TMEM80: variants seen among roughly 807,000 people sequenced by gnomAD.
TMEM80 encodes the protein transmembrane protein 80.
In TMEM80, 16 loss-of-function variants were observed where a neutral mutation model predicts 13.6. The ratio of observed to expected loss-of-function variants is 1.17; its 90% CI spans 0.79 to 1.78. TMEM80 has a LOEUF of 1.78. Among genes scored for constraint, TMEM80 ranks in the 40% most tolerant of loss-of-function variants. The pLI, the probability that TMEM80 is intolerant of heterozygous loss-of-function variation, is 0.00. For missense variants in TMEM80, 167 were observed against 184.6 expected (o/e 0.90, Z 0.55); for synonymous variants, 92 against 89.5 (o/e 1.03, Z -0.16).
intron 1 of TMEM80, among the ~76,000 whole-genome samples, chr11:696,951 T>C (rs1350376912): frequency 7.0e-6 from 1 of 141,908 alleles, no homozygotes; most frequent in South Asian, 2.5e-4. Context: ...TGATGGTGCA[T>C]GCCTGTAATC....
chr11:704,377 G>T, downstream of TMEM80: 1 of 1,116,270 alleles, frequency 9.0e-7, no homozygotes. Flanking sequence ...GCCTGTCTTC[G>T]TGGAAGCGGT....
At chr11:699,918 G>A (rs74464179) in intron 2 of TMEM80, 31,512 of 548,168 alleles carry the variant, frequency 0.057, 1,401 homozygotes, top group Admixed American at 0.16. Flanking sequence ...GCATTGTTGT[G>A]GCATGGAGGG....
At chr11:699,735 G>C (rs1008879057) in intron 2 of TMEM80, 9 of 177,476 alleles carry the variant, frequency 5.1e-5, no homozygotes, top group Non-Finnish European at 7.2e-5. Flanking sequence ...CTGGGCAACA[G>C]AGCAAGACTC....
At chr11:702,858 GT>G in intron 4 of TMEM80, 86 bp from the exon 5 acceptor site, 1 of 1,333,676 alleles carries the variant, frequency 7.5e-7, no homozygotes, top group South Asian at 1.4e-5. Context: ...AGCTGCTCTG[GT>G]CCCAGCAGCC....
rs117149970 is a variant in TMEM80, at chr11:700,227, C to A, written c.125C>A (p.Thr42Lys). The change falls in exon 3 of 5, where the codon ACG (threonine) becomes AAG (lysine). Residue 42 changes from threonine to lysine, a missense_variant. By Grantham distance (78) the Thr-to-Lys change is moderately conservative (BLOSUM62 -1). Coordinates refer to ENST00000397510, the MANE Select transcript of TMEM80 (RefSeq NM_001042463.3). The stretch of plus-strand genomic sequence containing the variant: ...TTCCTCGCCACGCTCCTGATGATCA[C>A]GTATAAAAGTAAGTCAGGGACGGGC... ...LYFLATLLMITYKSQVFSYPH... is the reference protein window; with the variant it reads ...LYFLATLLMIKYKSQVFSYPH... 3.7e-6 allele frequency: 6 copies of A among 1,613,340 alleles called. No homozygotes were observed. The highest frequency in any genetic ancestry group is 5.1e-6 in the Non-Finnish European group (6 of 1,179,758).
intron 3 of TMEM80, 112 bp downstream of exon 3, chr11:700,347 G>A (rs1861389932): frequency 2.0e-6 from 2 of 999,144 alleles, no homozygotes; most frequent in Middle Eastern, 4.9e-4. Context: ...GCCAACATGG[G>A]GAAACCCCAT....
chr11:700,175 C>T lies in TMEM80; in HGVS notation c.73C>T (p.Leu25Phe). The T allele has an allele frequency of 6.2e-7, 1 of 1,614,194 alleles. No homozygotes were observed. Among genetic ancestry groups the T allele is most frequent in the South Asian group, 1.1e-5 (1 of 91,080 alleles). Reference sequence around the variant, plus strand: ...AGTTCCCCTTCAAATGCTGTTTTATCTCAGCGGAACGTACTACGCCCTGTA... The same window carrying T: ...AGTTCCCCTTCAAATGCTGTTTTATTTCAGCGGAACGTACTACGCCCTGTA... ...SSVPLQMLFY[L>F]SGTYYALYFL... The change falls in exon 3 of 5, where the codon CTC (leucine) becomes TTC (phenylalanine). Residue 25 changes from leucine (L) to phenylalanine (F), a missense_variant. Physicochemically the swap from Leu to Phe is conservative, Grantham distance 22. Coordinates refer to ENST00000397510, the MANE Select transcript of TMEM80 (RefSeq NM_001042463.3).
At chr11:698,219 CAG>C (rs1169662445) in intron 1 of TMEM80, among the ~76,000 whole-genome samples, 1 of 151,810 alleles carries the variant, frequency 6.6e-6, no homozygotes, top group Non-Finnish European at 1.5e-5. Flanking sequence ...CAGGGTGAGT[CAG>C]AGGCGTCTTC....
chr11:703,162 C>G lies in TMEM80; in HGVS notation c.*12C>G, dbSNP rs188099718. The G allele has an allele frequency of 1.9e-6, 3 of 1,594,276 alleles. No homozygotes were observed. The highest frequency in any genetic ancestry group is 1.3e-5 in the African/African-American group (1 of 74,738). On this transcript the variant is annotated 3_prime_UTR_variant, in exon 5 of 5. Coordinates refer to ENST00000397510, the MANE Select transcript of TMEM80 (RefSeq NM_001042463.3). ...CCTTCACCAGGTAGCTACGGACACC[C>G]GGGATACCCCACACTGGGGCCCTCC...
rs977977311 is a variant in TMEM80 at position 701,625 on chromosome 11, G to A, written c.226+918G>A. On this transcript the variant is annotated intron_variant, in intron 4 of 4. Coordinates refer to ENST00000397510, the MANE Select transcript of TMEM80 (RefSeq NM_001042463.3). ...GGGGTTTCACCATGTTAGCCAGGATGGTTTCCATCTCCTGACCTCCTGATC... is the reference window on the plus strand; with the variant it reads ...GGGGTTTCACCATGTTAGCCAGGATAGTTTCCATCTCCTGACCTCCTGATC... Among the ~76,000 whole-genome samples, 4 of 151,830 alleles carry A rather than the reference G, an allele frequency of 2.6e-5. 1 individual carries two copies. Among genetic ancestry groups the A allele is most frequent in the African/African-American group, 4.8e-5 (2 of 41,328 alleles).
chr11:700,879 G>A, intron 4 of TMEM80, 172 bp downstream of exon 4: 1 of 665,606 alleles, frequency 1.5e-6, no homozygotes, highest in Non-Finnish European at 2.7e-6. Flanking sequence ...TATTAATCAA[G>A]AAGTTTTGTC....
Position 702,731 on chromosome 11 carries a change from C to T in TMEM80, c.227-214C>T, listed in dbSNP as rs538255560. Among the ~76,000 whole-genome samples, 52 of 152,368 alleles carry T rather than the reference C, an allele frequency of 3.4e-4. 1 individual carries two copies. Among genetic ancestry groups the T allele is most frequent in the African/African-American group, 1.3e-3 (52 of 41,596 alleles). On this transcript the variant is annotated intron_variant, in intron 4 of 4. Coordinates refer to ENST00000397510, the MANE Select transcript of TMEM80 (RefSeq NM_001042463.3). Reference sequence around the variant, plus strand: ...AAACCATGCTGTTGCAGGGGCACCTCCCCCAGGAGGGGCTCACGCCTGTGT... The same window carrying T: ...AAACCATGCTGTTGCAGGGGCACCTTCCCCAGGAGGGGCTCACGCCTGTGT...
Position 703,594 on chromosome 11 carries a change from C to T in TMEM80, c.*444C>T. The stretch of plus-strand genomic sequence containing the variant: ...TTGTGTTCTGAGATCCCAGTTTACT[C>T]CGTGGCCAGGCCCCACCTGTGTTTC... On this transcript the variant is annotated 3_prime_UTR_variant, in exon 5 of 5. Coordinates refer to ENST00000397510, the MANE Select transcript of TMEM80 (RefSeq NM_001042463.3). The T allele has an allele frequency of 1.6e-6, 2 of 1,233,264 alleles. No individual in the cohort carries two copies. Among genetic ancestry groups the T allele is most frequent in the East Asian group, 3.2e-5 (1 of 31,724 alleles). 76.4% of individuals were successfully genotyped at this position (1,233,264 alleles called of 1,614,324 possible). A position where few individuals can be genotyped will look rare whatever the true frequency, so the allele number is the denominator to read the frequency against.
upstream of TMEM80, chr11:695,674 T>A (rs1861098237): frequency 2.4e-6 from 3 of 1,243,708 alleles, no homozygotes; most frequent in South Asian, 7.9e-5. Flanking sequence ...CCGGACGGAC[T>A]AATCGGGCCT....
Position 703,401 on chromosome 11 carries a change from G to A in TMEM80, c.*251G>A. The A allele has an allele frequency of 7.4e-7, 1 of 1,347,490 alleles. No homozygotes were observed. The allele number at this position is 1,347,490 out of a possible 1,614,324, so 83.5% of individuals were successfully genotyped here. ...CCAGACAGAACTGCCTTCAAGATGAGTCCCAGGAGCGCACACTCAGCCCTG... is the reference window on the plus strand; with the variant it reads ...CCAGACAGAACTGCCTTCAAGATGAATCCCAGGAGCGCACACTCAGCCCTG... On this transcript the variant is annotated 3_prime_UTR_variant, in exon 5 of 5. Coordinates refer to ENST00000397510, the MANE Select transcript of TMEM80 (RefSeq NM_001042463.3).
In TMEM80 at chr11:700,214, C is replaced by A. The variant is rs944374616; in HGVS notation, c.112C>A (p.Leu38Ile). 1.2e-6 allele frequency: 2 copies of A among 1,613,812 alleles called. No individual in the cohort carries two copies. Among genetic ancestry groups the A allele is most frequent in the African/African-American group, 2.7e-5 (2 of 74,898 alleles). Reference sequence around the variant, plus strand: ...CTACGCCCTGTATTTCCTCGCCACGCTCCTGATGATCACGTATAAAAGTAA... The same window carrying A: ...CTACGCCCTGTATTTCCTCGCCACGATCCTGATGATCACGTATAAAAGTAA... Reference protein sequence around the residue: ...TYYALYFLATLLMITYKSQVF... With the variant: ...TYYALYFLATILMITYKSQVF... Residue 38 changes from leucine (L) to isoleucine (I), a missense_variant, in exon 3 of 5, where the codon CTC becomes ATC. Transcript: ENST00000397510.
At chr11:700,393 G>C (rs1201868901) in intron 3 of TMEM80, among the ~76,000 whole-genome samples, 158 bp downstream of exon 3, 1 of 152,072 alleles carries the variant, frequency 6.6e-6, no homozygotes, top group African/African-American at 2.4e-5. Flanking sequence ...CGGGCGTGGT[G>C]GTGGGCGCCT....
rs765869216 is a variant in TMEM80, at chr11:698,849, A to G, written c.20-20A>G. The G allele has an allele frequency of 5.0e-6, 8 of 1,614,068 alleles. No individual in the cohort carries two copies. Among genetic ancestry groups the G allele is most frequent in the Non-Finnish European group, 6.8e-6 (8 of 1,179,994 alleles). On this transcript the variant is annotated intron_variant, in intron 1 of 4. Transcript: ENST00000397510. ...TCCTGGTGGCTGTCAGGCCTTGCTC[A>G]CGGCCCCTTTCTCTTTCAGGGAGAG...
intron 1 of TMEM80, among the ~76,000 whole-genome samples, chr11:696,698 CGAGGT>C (rs60498675): frequency 4.3e-4 from 1 of 2,316 alleles, no homozygotes; most frequent in African/African-American, 9.4e-4. Flanking sequence ...CCCAGGAGGT[CGAGGT>C]TGCAGTGAGC....
Sources: allele counts gnomAD v4.1 joint callset (sites outside exome capture counted in the v4.1 genomes callset), GRCh38; gene constraint gnomAD v4.1.1; transcripts MANE v1.5; gene names NCBI Gene and HGNC (gene_info 2026-07-23, HGNC 2026-07-21).